The following JARID2 variants were observed in gnomAD, a reference collection of about 807,000 sequenced individuals.
JARID2 encodes jumonji and AT-rich interaction domain containing 2.
In JARID2, 21 loss-of-function variants were observed where a neutral mutation model predicts 125.6. That is an observed-to-expected ratio of 0.17 (90% CI 0.12 to 0.24). The LOEUF is 0.24. Ranked by LOEUF, JARID2 falls within the 10% of genes least tolerant of loss-of-function variation. The probability of loss-of-function intolerance (pLI) is 1.00; values close to 1 mark genes in which losing one functional copy is unlikely to be tolerated. For synonymous variants in JARID2, 736 were observed against 661.6 expected (o/e 1.11, Z -1.73); for missense variants, 1,303 against 1,639.6 (o/e 0.79, Z 3.55).
chr6:15,360,720 G>C (rs1326755803), intron 1 of JARID2, among the ~76,000 whole-genome samples: 1 of 152,094 alleles, frequency 6.6e-6, no homozygotes, highest in East Asian at 1.9e-4. Context: ...GGCCAGGGCT[G>C]TCTTGGACTC....
intron 1 of JARID2, among the ~76,000 whole-genome samples, chr6:15,353,551 C>G (rs1300540003): frequency 1.3e-5 from 2 of 152,132 alleles, no homozygotes; most frequent in African/African-American, 2.4e-5. Flanking sequence ...AAATCGAATG[C>G]CAATTGATCG....
chr6:15,443,356 G>A (rs1767527614), intron 3 of JARID2, among the ~76,000 whole-genome samples: 1 of 152,156 alleles, frequency 6.6e-6, no homozygotes, highest in East Asian at 1.9e-4. Flanking sequence ...TCATTGGAAG[G>A]GCTAAGTGGA....
intron 1 of JARID2, among the ~76,000 whole-genome samples, chr6:15,346,873 A>G (rs1183564337): frequency 6.6e-6 from 1 of 151,700 alleles, no homozygotes; most frequent in Non-Finnish European, 1.5e-5. Flanking sequence ...GTAGCTAGGA[A>G]TACAGGTGCT....
chr6:15,311,329 A>G (rs1413480315), intron 1 of JARID2, among the ~76,000 whole-genome samples: 1 of 152,078 alleles, frequency 6.6e-6, no homozygotes, highest in Non-Finnish European at 1.5e-5. Flanking sequence ...TGTAATCCCA[A>G]AACTTTGGGA....
chr6:15,395,405 A>G (rs1765183833), intron 2 of JARID2, among the ~76,000 whole-genome samples: 1 of 151,750 alleles, frequency 6.6e-6, no homozygotes. Flanking sequence ...AGTTGGGACT[A>G]CAGGCGTGCA....
In JARID2 at chr6:15,366,223, T is replaced by C. The variant is rs1581462221; in HGVS notation, c.46-7894T>C. Reference sequence around the variant, plus strand: ...GTATATGAGAAACACGTTCTGAAAATAAAAGGCATTCATGTACAGGATTCC... The same window carrying C: ...GTATATGAGAAACACGTTCTGAAAACAAAAGGCATTCATGTACAGGATTCC... On this transcript the variant is annotated intron_variant, in intron 1 of 17. Coordinates refer to ENST00000341776, the MANE Select transcript of JARID2 (RefSeq NM_004973.4). Among the ~76,000 whole-genome samples, 3 of 152,192 alleles carry C rather than the reference T, an allele frequency of 2.0e-5. No individual in the cohort carries two copies. In the East Asian group the frequency reaches 5.8e-4, roughly 29 times the overall value.
At chr6:15,470,318 AAAG>A (rs1769014671) in intron 5 of JARID2, among the ~76,000 whole-genome samples, 1 of 152,212 alleles carries the variant, frequency 6.6e-6, no homozygotes, top group South Asian at 2.1e-4. Context: ...CCTGTAAGAT[AAAG>A]AAGCCTTGTC....
intron 1 of JARID2, among the ~76,000 whole-genome samples, chr6:15,310,326 A>G (rs535744572): frequency 1.3e-5 from 2 of 152,346 alleles, no homozygotes; most frequent in South Asian, 4.1e-4. Context: ...GAATGAAATT[A>G]AGAAAATCAA....
chr6:15,266,834 G>T (rs191185979), intron 1 of JARID2, among the ~76,000 whole-genome samples: 1 of 152,298 alleles, frequency 6.6e-6, no homozygotes, highest in East Asian at 1.9e-4. Context: ...AAAATGCACT[G>T]CTGTAATAAC....
intron 16 of JARID2, 70 bp downstream of exon 16, chr6:15,513,492 A>G (rs771801485): frequency 2.1e-4 from 299 of 1,429,054 alleles, no homozygotes; most frequent in Non-Finnish European, 2.8e-4. Context: ...GGTTGCCCCC[A>G]GAAGAGGGAG....
At chr6:15,272,839 A>G (rs1220464026) in intron 1 of JARID2, among the ~76,000 whole-genome samples, 1 of 152,214 alleles carries the variant, frequency 6.6e-6, no homozygotes, top group African/African-American at 2.4e-5. Context: ...CACTGGCTAT[A>G]CATTTTATTT....
intron 5 of JARID2, among the ~76,000 whole-genome samples, chr6:15,481,426 G>A (rs143914189): frequency 7.0e-4 from 107 of 152,158 alleles, no homozygotes; most frequent in African/African-American, 2.5e-3. Flanking sequence ...TCTCTCTTAT[G>A]TTCACAGGGT....
chr6:15,328,845 T>C (rs916906109), intron 1 of JARID2, among the ~76,000 whole-genome samples: 3 of 152,216 alleles, frequency 2.0e-5, no homozygotes, highest in Admixed American at 2.0e-4. Context: ...CTGTCAAGTA[T>C]GTAGAGTGCA....
At chr6:15,333,763 A>G (rs1053752833) in intron 1 of JARID2, among the ~76,000 whole-genome samples, 2 of 152,302 alleles carry the variant, frequency 1.3e-5, no homozygotes, top group Non-Finnish European at 2.9e-5. Context: ...TAGCTATTTG[A>G]GTGCCAGATT....
intron 1 of JARID2, among the ~76,000 whole-genome samples, chr6:15,362,242 G>C (rs928955909): frequency 6.6e-6 from 1 of 152,070 alleles, no homozygotes; most frequent in African/African-American, 2.4e-5. Context: ...TGTTATTGAG[G>C]TCTTCTCTCA....
intron 3 of JARID2, among the ~76,000 whole-genome samples, chr6:15,441,778 A>ATT (rs1767455946): frequency 6.6e-6 from 1 of 151,934 alleles, no homozygotes; most frequent in South Asian, 2.1e-4. Flanking sequence ...TTCTTTATTT[A>ATT]TTTATTTTTA....
At chr6:15,364,413 A>G (rs578107790) in intron 1 of JARID2, among the ~76,000 whole-genome samples, 1 of 152,180 alleles carries the variant, frequency 6.6e-6, no homozygotes, top group Non-Finnish European at 1.5e-5. Context: ...TCCTTAGAAA[A>G]GGATTTGAAG....
At chr6:15,349,383 G>A (rs1412332382) in intron 1 of JARID2, among the ~76,000 whole-genome samples, 2 of 152,188 alleles carry the variant, frequency 1.3e-5, no homozygotes, top group Non-Finnish European at 2.9e-5. Context: ...TTACGTGTGT[G>A]AAGTGGGCCT....
intron 9 of JARID2, among the ~76,000 whole-genome samples, chr6:15,504,881 C>G (rs1427852794): frequency 1.3e-5 from 2 of 152,218 alleles, no homozygotes; most frequent in Non-Finnish European, 2.9e-5. Context: ...TCTCCTCCTG[C>G]TTGCTCACCC....
Sources: gnomAD v4.1 joint callset for allele counts (sites outside exome capture counted in the v4.1 genomes callset) on GRCh38, gnomAD v4.1.1 for gene constraint, MANE v1.5 for transcripts, NCBI Gene and HGNC (gene_info 2026-07-23, HGNC 2026-07-21) for gene names.